Variants in NXN observed in about 807,000 individuals in gnomAD.
NXN encodes nucleoredoxin 1.
In NXN, 16 loss-of-function variants were observed where a neutral mutation model predicts 48.6. The ratio of observed to expected loss-of-function variants is 0.33; its 90% CI spans 0.22 to 0.50. The LOEUF (loss-of-function observed/expected upper bound fraction) is 0.50, where lower values mean the gene tolerates loss of function less well. Ranked by LOEUF, NXN falls within the 20% of genes least tolerant of loss-of-function variation. The pLI, the probability that NXN is intolerant of heterozygous loss-of-function variation, is 0.98. For synonymous variants in NXN, 281 were observed against 269.6 expected, an observed-to-expected ratio of 1.04 and a Z score of -0.41; for missense variants, 492 against 605.5, an observed-to-expected ratio of 0.81 and a Z score of 1.97.
chr17:843,459 C>A lies in NXN; in HGVS notation c.361-17381G>T, dbSNP rs1412862252. ...CCATGCTGCAGCTCTCGCAAGCTGA[C>A]AGAAGGGATTTCCTAAAGCCCCATC... is the stretch of plus-strand genomic sequence containing the variant. On this transcript the variant is annotated intron_variant, in intron 1 of 7. Coordinates refer to ENST00000336868, the MANE Select transcript of NXN (RefSeq NM_022463.5). Among the ~76,000 whole-genome samples, 8 of 152,364 alleles carry A rather than the reference C, an allele frequency of 5.3e-5. No individual in the cohort carries two copies. The South Asian group carries it at 6.2e-4, about 12-fold the overall frequency.
rs185217833 is a variant in NXN, at chr17:922,789, C to T, written c.360+56530G>A. 3.3e-3 allele frequency among the ~76,000 whole-genome samples: 506 copies of T among 151,726 alleles called. 5 individuals are homozygous for T. The highest frequency in any genetic ancestry group is 0.011 in the African/African-American group (470 of 41,528). Reference sequence around the variant, plus strand: ...GCCTCGGCCTCCCGAGTAGCTGGGACTACAGGTGCCCGCCACCACACCCGG... The same window carrying T: ...GCCTCGGCCTCCCGAGTAGCTGGGATTACAGGTGCCCGCCACCACACCCGG... On this transcript the variant is annotated intron_variant, in intron 1 of 7. Transcript: ENST00000336868.
intron 1 of NXN, among the ~76,000 whole-genome samples, chr17:894,953 C>T (rs973231944): frequency 6.6e-6 from 1 of 150,846 alleles, no homozygotes; most frequent in Admixed American, 6.6e-5. Flanking sequence ...CCTGGCTCTC[C>T]CTGATTGCCT....
chr17:825,942 G>A lies in NXN; in HGVS notation c.478+19C>T, dbSNP rs769007231. 6.6e-7 allele frequency: 1 copy of A among 1,517,156 alleles called. No homozygotes were observed. The highest frequency in any genetic ancestry group is 9.1e-7 in the Non-Finnish European group (1 of 1,098,614). 94.0% of individuals were successfully genotyped at this position (1,517,156 alleles called of 1,614,324 possible). A position where few individuals can be genotyped will look rare whatever the true frequency, so the allele number is the denominator to read the frequency against. On this transcript the variant is annotated intron_variant, in intron 2 of 7. Transcript: ENST00000336868. The surrounding 1 kb of genome is among the most constrained non-coding windows in gnomAD (Gnocchi z 4.1). ...GGGCTGGGTAATAAGAGGACCATAT[G>A]CACGGGCTGAGGTTTTACCTTCTGG...
chr17:831,939 C>T (rs114593229), intron 1 of NXN, among the ~76,000 whole-genome samples: 1,426 of 84,678 alleles, frequency 0.017, 150 homozygotes, highest in African/African-American at 0.073. Context: ...TCCTTACTCA[C>T]ATGTATTATT....
intron 1 of NXN, among the ~76,000 whole-genome samples, chr17:954,962 C>G (rs773990144): frequency 6.6e-6 from 1 of 152,156 alleles, no homozygotes; most frequent in Non-Finnish European, 1.5e-5. Flanking sequence ...TGGGTTACAG[C>G]CACTCGAGGC....
intron 1 of NXN, among the ~76,000 whole-genome samples, chr17:977,405 G>C (rs375913189): frequency 7.2e-5 from 11 of 152,246 alleles, no homozygotes; most frequent in African/African-American, 2.7e-4. Context: ...AGCAGGTCCA[G>C]GCTAGGGCCG....
intron 1 of NXN, among the ~76,000 whole-genome samples, chr17:933,687 C>A (rs966782210): frequency 1.3e-5 from 2 of 151,988 alleles, no homozygotes; most frequent in Non-Finnish European, 2.9e-5. Context: ...TAAAACAATG[C>A]AATAAGAACA....
chr17:887,661 C>T (rs922919504), intron 1 of NXN, among the ~76,000 whole-genome samples: 13 of 152,062 alleles, frequency 8.5e-5, no homozygotes, highest in Non-Finnish European at 1.6e-4. Flanking sequence ...AGGCTTCTGG[C>T]GGAGACATGA....
chr17:808,675 A>G (rs1442678390), intron 5 of NXN, among the ~76,000 whole-genome samples: 5 of 80,302 alleles, frequency 6.2e-5, no homozygotes, highest in Non-Finnish European at 1.3e-4. Context: ...ATTATAAACC[A>G]GTTTTTTTTT....
At chr17:826,729 C>T (rs377075651) in intron 1 of NXN, among the ~76,000 whole-genome samples, 39 of 152,266 alleles carry the variant, frequency 2.6e-4, no homozygotes, top group African/African-American at 8.7e-4. Context: ...ATATCACAGT[C>T]GTCGTTACGT....
At position 877,297 on chromosome 17, in the gene NXN, C is replaced by T. The variant is rs138251847; in HGVS notation, c.361-51219G>A. 1.4e-4 allele frequency among the ~76,000 whole-genome samples: 22 copies of T among 151,984 alleles called. No individual in the cohort carries two copies. The East Asian group carries it at 3.6e-3, about 25-fold the overall frequency. On this transcript the variant is annotated intron_variant, in intron 1 of 7. Transcript: ENST00000336868. Reference sequence around the variant, plus strand: ...TGGTAGCTGAGACTACTGGCGCCCGCCACCAAGCCCGGCTAATTTTTTGTA... The same window carrying T: ...TGGTAGCTGAGACTACTGGCGCCCGTCACCAAGCCCGGCTAATTTTTTGTA...
In NXN at chr17:932,149, TAAAAC is replaced by T. The variant is rs2068861857; in HGVS notation, c.360+47165_360+47169del. Among the ~76,000 whole-genome samples the T allele has an allele frequency of 4.6e-5, 7 of 152,216 alleles. No homozygotes were observed. Among genetic ancestry groups the T allele is most frequent in the Middle Eastern group, 3.4e-3 (1 of 294 alleles). ...ATAGAGCAAGACCCTATCTCAAAAATAAAACAAAACGAACAATTTTAGAAATGTTT... is the reference window on the plus strand; with the variant it reads ...ATAGAGCAAGACCCTATCTCAAAAATAAAACGAACAATTTTAGAAATGTTT... On this transcript the variant is annotated intron_variant, in intron 1 of 7. Coordinates refer to ENST00000336868, the MANE Select transcript of NXN (RefSeq NM_022463.5). The surrounding 1 kb of genome is among the most constrained non-coding windows in gnomAD (Gnocchi z 4.1).
At chr17:927,129 T>C (rs1309915313) in intron 1 of NXN, among the ~76,000 whole-genome samples, 4 of 149,736 alleles carry the variant, frequency 2.7e-5, no homozygotes, top group East Asian at 2.0e-4. Flanking sequence ...CTGGCTATCA[T>C]GGTGAAACCC....
At chr17:818,884 C>CAAAAAAAAA (rs1229405533) in intron 5 of NXN, among the ~76,000 whole-genome samples, 10 of 140,110 alleles carry the variant, frequency 7.1e-5, no homozygotes, top group African/African-American at 2.4e-4. Flanking sequence ...GACTCCGTCT[C>CAAAAAAAAA]AAAAAAAAAA....
At chr17:959,662 C>T (rs945373262) in intron 1 of NXN, among the ~76,000 whole-genome samples, 5 of 151,276 alleles carry the variant, frequency 3.3e-5, no homozygotes, top group Admixed American at 1.3e-4. Flanking sequence ...GGTGTGGTGG[C>T]AGGCGCCTGT....
chr17:885,719 C>G (rs1209945865), intron 1 of NXN, among the ~76,000 whole-genome samples: 1 of 130,544 alleles, frequency 7.7e-6, no homozygotes, highest in African/African-American at 3.0e-5. Flanking sequence ...GTCGCTCTGT[C>G]CCCCAGGCTG....
intron 1 of NXN, among the ~76,000 whole-genome samples, chr17:837,084 TCCCCCCACCTCAGCCTCCGAGGAGCTG>T (rs1160892735): frequency 3.3e-5 from 5 of 149,602 alleles, no homozygotes; most frequent in Admixed American, 2.6e-4. Context: ...GCTCACGTGA[TCCCCCCACCTCAGCCTCCGAGGAGCTG>T]GGACTACGGT....
intron 1 of NXN, among the ~76,000 whole-genome samples, chr17:904,292 TCGGACGC>T (rs143524575): frequency 0.074 from 11,258 of 151,924 alleles, 1,052 homozygotes; most frequent in African/African-American, 0.22. Context: ...TGCCCGGACG[TCGGACGC>T]CGTCCGGCTT....
intron 1 of NXN, among the ~76,000 whole-genome samples, chr17:833,790 T>C (rs1913630578): frequency 2.6e-5 from 4 of 152,074 alleles, no homozygotes. Flanking sequence ...GAGAGAGAGA[T>C]AATCCTGCCC....
Sources: gnomAD v4.1 joint callset for allele counts (sites outside exome capture counted in the v4.1 genomes callset) on GRCh38, gnomAD v4.1.1 for gene constraint, Gnocchi (gnomAD v3.1) non-coding constraint, MANE v1.5 for transcripts, NCBI Gene and HGNC (gene_info 2026-07-23, HGNC 2026-07-21) for gene names.